Variants in GPHN observed in about 807,000 individuals in gnomAD.
GPHN encodes the protein gephyrin.
Under a neutral mutation model 95.5 loss-of-function variants are expected in GPHN, and 17 were observed. That is an observed-to-expected ratio of 0.18 (90% CI 0.12 to 0.27). The LOEUF is 0.27. Among genes scored for constraint, GPHN ranks in the 10% least tolerant of loss-of-function variants. GPHN has a pLI of 1.00. For missense variants in GPHN, 660 were observed against 978.1 expected, an observed-to-expected ratio of 0.67 and a Z score of 4.34; for synonymous variants, 320 against 322.5, an observed-to-expected ratio of 0.99 and a Z score of 0.08.
intron 1 of GPHN, among the ~76,000 whole-genome samples, chr14:66,678,419 G>A (rs78940363): frequency 0.015 from 2,171 of 149,518 alleles, 49 homozygotes; most frequent in African/African-American, 0.05. Context: ...CTTGAGTTCC[G>A]GGATTTCTGT....
chr14:66,548,219 C>T (rs1025289632), intron 1 of GPHN, among the ~76,000 whole-genome samples: 5 of 140,354 alleles, frequency 3.6e-5, no homozygotes, highest in Admixed American at 7.5e-5. Flanking sequence ...CTCGCTCTGT[C>T]GCCCAGTCTG....
intron 1 of GPHN, among the ~76,000 whole-genome samples, chr14:66,514,315 G>A (rs540590068): frequency 2.7e-5 from 4 of 148,018 alleles, no homozygotes; most frequent in African/African-American, 7.3e-5. Flanking sequence ...ATTCTTCTGC[G>A]TTATTGACAC....
At chr14:67,204,371 C>T in the GPHN span, 8 of 590,240 alleles carry the variant, frequency 1.4e-5, no homozygotes, top group South Asian at 7.4e-5. Flanking sequence ...CACAGGAAGT[C>T]GAGGCTGCAG....
rs776157228 is a variant in GPHN, at chr14:67,089,088, G to C, written c.1237+13G>C. On this transcript the variant is annotated intron_variant, in intron 12 of 22. Transcript: ENST00000478722. ...TATGCTGTCCGAGGTAAATATTTTG[G>C]TTTTCTTAAACATAATCAGGCACTG... The C allele has an allele frequency of 8.8e-7, 1 of 1,139,088 alleles. No individual in the cohort carries two copies. Among genetic ancestry groups the C allele is most frequent in the Non-Finnish European group, 1.3e-6 (1 of 784,274 alleles). 70.6% of individuals were successfully genotyped at this position (1,139,088 alleles called of 1,614,324 possible). A position where few individuals can be genotyped will look rare whatever the true frequency, so the allele number is the denominator to read the frequency against.
chr14:66,526,394 G>C (rs557621171), intron 1 of GPHN, among the ~76,000 whole-genome samples: 1 of 152,086 alleles, frequency 6.6e-6, no homozygotes, highest in Non-Finnish European at 1.5e-5. Flanking sequence ...GAGACGATGG[G>C]GTTTTCTAAA....
At chr14:67,044,346 A>AT (rs1555471995) in intron 10 of GPHN, among the ~76,000 whole-genome samples, 4 of 152,154 alleles carry the variant, frequency 2.6e-5, no homozygotes, top group Non-Finnish European at 5.9e-5. Context: ...TCAAAAAAAA[A>AT]CAAAAAATAA....
intron 21 of GPHN, among the ~76,000 whole-genome samples, chr14:67,170,042 C>T (rs2082508737): frequency 6.6e-6 from 1 of 152,120 alleles, no homozygotes; most frequent in African/African-American, 2.4e-5. Context: ...TATGCCATTG[C>T]ACTTCAGCCT....
chr14:67,190,571 A>G, the GPHN span, among the ~76,000 whole-genome samples: 1 of 152,184 alleles, frequency 6.6e-6, no homozygotes, highest in Non-Finnish European at 1.5e-5. Context: ...TTTTTCTTCC[A>G]TAAGAAAAAA....
rs1028603607 is a variant in GPHN at position 66,508,221 on chromosome 14, C to A, written c.-307C>A. On this transcript the variant is annotated 5_prime_UTR_variant, in exon 1 of 23. Transcript: ENST00000478722. ...AGAGCGTTCCGACACTCTCCGGCCT[C>A]GTTCTGCCGCCTCCGCGCGCTCTCC... The A allele has an allele frequency of 9.4e-6, 5 of 533,878 alleles. No homozygotes were observed. The highest frequency in any genetic ancestry group is 1.7e-5 in the Non-Finnish European group (5 of 295,254). 33.1% of individuals were successfully genotyped at this position (533,878 alleles called of 1,614,324 possible).
At chr14:67,635,759 A>C in the GPHN span, among the ~76,000 whole-genome samples, 1 of 152,140 alleles carries the variant, frequency 6.6e-6, no homozygotes, top group Non-Finnish European at 1.5e-5. Flanking sequence ...AAGCTGAGGC[A>C]GGAGAATTGC....
chr14:67,100,704 C>T, intron 12 of GPHN, 152 bp from the exon 13 acceptor site: 1 of 677,114 alleles, frequency 1.5e-6, no homozygotes, highest in Non-Finnish European at 2.7e-6. Flanking sequence ...CGTAACAAAG[C>T]CATTGTCAAG....
chr14:66,687,212 A>C (rs1353141200), intron 2 of GPHN, among the ~76,000 whole-genome samples: 8 of 152,160 alleles, frequency 5.3e-5, no homozygotes, highest in Admixed American at 3.9e-4. Context: ...CGAGACAGAA[A>C]GTTAACAAAG....
chr14:67,246,595 C>T, the GPHN span, among the ~76,000 whole-genome samples: 2 of 151,946 alleles, frequency 1.3e-5, no homozygotes, highest in African/African-American at 4.8e-5. Context: ...TCCACCTCAA[C>T]CTCCAAAAGT....
intron 18 of GPHN, among the ~76,000 whole-genome samples, chr14:67,154,082 A>G (rs2081441383): frequency 6.6e-6 from 1 of 152,238 alleles, no homozygotes; most frequent in African/African-American, 2.4e-5. Flanking sequence ...ATAACCTTCA[A>G]GGCCCTGCAA....
chr14:67,051,866 C>T (rs1177059316), intron 10 of GPHN, among the ~76,000 whole-genome samples: 2 of 152,018 alleles, frequency 1.3e-5, no homozygotes, highest in African/African-American at 4.8e-5. Context: ...AACTAAACTT[C>T]GTAAAGTGAA....
intron 1 of GPHN, among the ~76,000 whole-genome samples, chr14:66,512,476 C>G (rs941176320): frequency 6.6e-6 from 1 of 151,714 alleles, no homozygotes; most frequent in Admixed American, 6.6e-5. Flanking sequence ...AATCCATTAC[C>G]TAAATTGTCA....
At chr14:66,823,667 A>G (rs976953726) in intron 3 of GPHN, among the ~76,000 whole-genome samples, 4 of 152,158 alleles carry the variant, frequency 2.6e-5, no homozygotes, top group African/African-American at 9.7e-5. Context: ...GGAAAAAATC[A>G]TTTTTTAGGT....
chr14:66,578,167 C>T (rs557000834), intron 1 of GPHN, among the ~76,000 whole-genome samples: 1 of 151,366 alleles, frequency 6.6e-6, no homozygotes, highest in South Asian at 2.1e-4. Flanking sequence ...ATAAATATGG[C>T]TGAACCGAAG....
At chr14:66,729,237 C>T (rs2071536298) in intron 2 of GPHN, among the ~76,000 whole-genome samples, 1 of 152,114 alleles carries the variant, frequency 6.6e-6, no homozygotes, top group African/African-American at 2.4e-5. Context: ...TCTTTATCAG[C>T]AGCGTGAAAA....
Sources: allele counts gnomAD v4.1 joint callset (sites outside exome capture counted in the v4.1 genomes callset), GRCh38; gene constraint gnomAD v4.1.1; transcripts MANE v1.5; gene names NCBI Gene and HGNC (gene_info 2026-07-23, HGNC 2026-07-21).